EIPR1: variants seen among roughly 807,000 people sequenced by gnomAD.
EIPR1 encodes EARP and GARP complex-interacting protein 1.
Under a neutral mutation model 48.1 loss-of-function variants are expected in EIPR1, and 25 were observed. That is an observed-to-expected ratio of 0.52 (90% CI 0.38 to 0.73). The LOEUF is 0.73. EIPR1 is among the 30% of genes least tolerant of loss of function. The pLI is 0.00. For missense variants in EIPR1, 415 were observed against 506.2 expected (o/e 0.82, Z 1.73); for synonymous variants, 204 against 201.9 (o/e 1.01, Z -0.09).
chr2:3,257,441 C>T lies in EIPR1; in HGVS notation c.274G>A (p.Val92Ile). 6.2e-7 allele frequency: 1 copy of T among 1,614,204 alleles called. No homozygotes were observed. Among genetic ancestry groups the T allele is most frequent in the Non-Finnish European group, 8.5e-7 (1 of 1,180,022 alleles). The change falls in exon 4 of 9, where the codon GTC becomes ATC. Residue 92 changes from valine (V) to isoleucine (I), a missense_variant. By Grantham distance (29) the Val-to-Ile change is conservative. Transcript: ENST00000382125. ...CTCCACACGGCTGCACATGTCAGGA[C>T]TTTGCTGTCTGAAGCTGAGCAACAG... ...TCYNRTSDSK[V>I]LTCAAVWRMP...
intron 2 of EIPR1, among the ~76,000 whole-genome samples, chr2:3,344,624 G>C (rs1034676804): frequency 6.8e-6 from 1 of 147,276 alleles, no homozygotes; most frequent in African/African-American, 2.5e-5. Flanking sequence ...AACATATACT[G>C]GTTCTGGTTC....
intron 4 of EIPR1, among the ~76,000 whole-genome samples, chr2:3,252,294 TA>T (rs1667024907): frequency 6.6e-6 from 1 of 151,918 alleles, no homozygotes; most frequent in African/African-American, 2.4e-5. Flanking sequence ...CCTACGAAGA[TA>T]AAACGGCAAA....
chr2:3,348,806 G>C (rs1670480520), intron 2 of EIPR1, among the ~76,000 whole-genome samples: 1 of 152,226 alleles, frequency 6.6e-6, no homozygotes, highest in Non-Finnish European at 1.5e-5. Context: ...CACTCCCCAG[G>C]AGAGCTGGAG....
At chr2:3,230,235 A>C (rs1363598376) in intron 4 of EIPR1, among the ~76,000 whole-genome samples, 1 of 152,174 alleles carries the variant, frequency 6.6e-6, no homozygotes, top group Non-Finnish European at 1.5e-5. Context: ...GCAACGAATA[A>C]CCAAAAAACA....
intron 5 of EIPR1, among the ~76,000 whole-genome samples, chr2:3,212,571 T>C (rs1410543597): frequency 6.6e-6 from 1 of 152,170 alleles, no homozygotes; most frequent in African/African-American, 2.4e-5. Flanking sequence ...CCTGGAGGTT[T>C]ATAGTTATGT....
intron 3 of EIPR1, among the ~76,000 whole-genome samples, chr2:3,326,059 T>C (rs1333909743): frequency 6.6e-6 from 1 of 152,186 alleles, no homozygotes; most frequent in Non-Finnish European, 1.5e-5. Context: ...GAGGAGGCTA[T>C]GGCTGCAGCA....
chr2:3,281,375 A>G (rs1668007018), intron 3 of EIPR1, among the ~76,000 whole-genome samples: 1 of 152,090 alleles, frequency 6.6e-6, no homozygotes, highest in African/African-American at 2.4e-5. Context: ...ACTTCTCAAA[A>G]GTCAGAAGTC....
Position 3,286,658 on chromosome 2 carries a change from C to T in EIPR1, c.260-29203G>A, listed in dbSNP as rs915061125. Among the ~76,000 whole-genome samples the T allele has an allele frequency of 1.3e-5, 2 of 152,200 alleles. No homozygotes were observed. Among genetic ancestry groups the T allele is most frequent in the Non-Finnish European group, 2.9e-5 (2 of 68,036 alleles). ...AGTCCAGAGTGCCCCGCAGAGCACCCGAGACAGCGGCTGGCAGAGCACAGG... is the reference window on the plus strand; with the variant it reads ...AGTCCAGAGTGCCCCGCAGAGCACCTGAGACAGCGGCTGGCAGAGCACAGG... On this transcript the variant is annotated intron_variant, in intron 3 of 8. Transcript: ENST00000382125. This position sits in a 1 kb window ranked among gnomAD's most constrained non-coding sequence, Gnocchi z 4.2.
At chr2:3,368,227 C>T (rs1054038302) in intron 1 of EIPR1, among the ~76,000 whole-genome samples, 15 of 152,244 alleles carry the variant, frequency 9.9e-5, no homozygotes, top group African/African-American at 3.6e-4. Context: ...TCTCAGGACT[C>T]CAGGAGAACC....
intron 4 of EIPR1, among the ~76,000 whole-genome samples, chr2:3,216,137 T>C (rs1490430781): frequency 3.3e-5 from 5 of 152,152 alleles, no homozygotes; most frequent in African/African-American, 1.2e-4. Flanking sequence ...TTCGGACAGC[T>C]TGATAGTAAA....
At chr2:3,260,495 A>C (rs899575722) in intron 3 of EIPR1, among the ~76,000 whole-genome samples, 26 of 44,152 alleles carry the variant, frequency 5.9e-4, no homozygotes, top group African/African-American at 2.8e-3. Flanking sequence ...CATCTCAAAA[A>C]ATGAAGGAAG....
chr2:3,314,934 C>T (rs1015452461), intron 3 of EIPR1, among the ~76,000 whole-genome samples: 1 of 151,792 alleles, frequency 6.6e-6, no homozygotes, highest in Admixed American at 6.6e-5. Context: ...TGAGGCCTCC[C>T]TGGCAAGGCC....
intron 3 of EIPR1, among the ~76,000 whole-genome samples, chr2:3,282,279 A>G (rs1668036525): frequency 6.6e-6 from 1 of 152,230 alleles, no homozygotes; most frequent in South Asian, 2.1e-4. Flanking sequence ...GAAGATGGAC[A>G]GCTCTGCGGA....
intron 3 of EIPR1, among the ~76,000 whole-genome samples, chr2:3,260,611 A>T (rs1455705341): frequency 1.3e-5 from 2 of 152,176 alleles, no homozygotes; most frequent in East Asian, 3.8e-4. Flanking sequence ...AGATATTTAT[A>T]ATACATATAT....
intron 1 of EIPR1, among the ~76,000 whole-genome samples, chr2:3,373,672 G>A (rs567530236): frequency 6.6e-6 from 1 of 152,250 alleles, no homozygotes; most frequent in African/African-American, 2.4e-5. Flanking sequence ...AACTTGCAAG[G>A]CACATGAAGG....
intron 3 of EIPR1, among the ~76,000 whole-genome samples, chr2:3,294,876 C>T (rs1255148972): frequency 8.4e-5 from 11 of 130,188 alleles, no homozygotes; most frequent in Non-Finnish European, 4.9e-5. Flanking sequence ...CAACCTCTCT[C>T]TATACACATG....
chr2:3,254,066 A>C (rs558722042), intron 4 of EIPR1, among the ~76,000 whole-genome samples: 43 of 152,274 alleles, frequency 2.8e-4, no homozygotes, highest in African/African-American at 8.2e-4. Flanking sequence ...CTTGGTGCCA[A>C]TTATATGCCA....
intron 3 of EIPR1, among the ~76,000 whole-genome samples, chr2:3,334,082 G>A (rs1572456135): frequency 6.6e-6 from 1 of 152,186 alleles, no homozygotes; most frequent in Non-Finnish European, 1.5e-5. Flanking sequence ...GAAAACACAC[G>A]TGGGTCTCCA....
At chr2:3,261,109 G>A (rs932816179) in intron 3 of EIPR1, among the ~76,000 whole-genome samples, 4 of 152,146 alleles carry the variant, frequency 2.6e-5, no homozygotes, top group Admixed American at 6.5e-5. Flanking sequence ...GTGGTCGGGT[G>A]ACGGTATGTA....
Sources: gnomAD v4.1 joint callset for allele counts (sites outside exome capture counted in the v4.1 genomes callset) on GRCh38, gnomAD v4.1.1 for gene constraint, Gnocchi (gnomAD v3.1) non-coding constraint, MANE v1.5 for transcripts, NCBI Gene and HGNC (gene_info 2026-07-23, HGNC 2026-07-21) for gene names.